ZFYVE26: variants seen among roughly 807,000 people sequenced by gnomAD.
ZFYVE26 encodes zinc finger FYVE-type containing 26.
Under a neutral mutation model 276.5 loss-of-function variants are expected in ZFYVE26, and 181 were observed. The ratio of observed to expected loss-of-function variants is 0.65; its 90% CI spans 0.58 to 0.74. The LOEUF (loss-of-function observed/expected upper bound fraction) is 0.74. Ranked by LOEUF, ZFYVE26 falls within the 30% of genes least tolerant of loss-of-function variation. ZFYVE26 has a pLI of 0.00. For synonymous variants in ZFYVE26, 1,129 were observed against 1,203.1 expected, an observed-to-expected ratio of 0.94 and a Z score of 1.27; for missense variants, 2,821 against 3,097.9, an observed-to-expected ratio of 0.91 and a Z score of 2.12.
intron 32 of ZFYVE26, among the ~76,000 whole-genome samples, chr14:67,765,914 G>A (rs1028507366): frequency 6.6e-6 from 1 of 152,174 alleles, no homozygotes; most frequent in Non-Finnish European, 1.5e-5. Flanking sequence ...GAGACTAAAG[G>A]TGGTTCCCTA....
chr14:67,769,936 C>T (rs1249579621), intron 28 of ZFYVE26: 4 of 657,824 alleles, frequency 6.1e-6, no homozygotes, highest in Admixed American at 2.5e-5. Context: ...GGCAAAGGTG[C>T]GAAGTCATGG....
At chr14:67,796,355 A>G (rs1287641653) in intron 12 of ZFYVE26, 1 of 151,524 alleles carries the variant, frequency 6.6e-6, no homozygotes, top group Non-Finnish European at 1.5e-5. Context: ...CTGGGCACCC[A>G]CCACTACACC....
At chr14:67,773,405 A>G (rs1458051967) in intron 27 of ZFYVE26, among the ~76,000 whole-genome samples, 1 of 151,888 alleles carries the variant, frequency 6.6e-6, no homozygotes, top group African/African-American at 2.4e-5. Context: ...AAAATAATTA[A>G]CCAGGCAATG....
intron 30 of ZFYVE26, 136 bp from the exon 31 acceptor site, chr14:67,767,976 T>C (rs2039102781): frequency 6.3e-6 from 8 of 1,265,094 alleles, no homozygotes; most frequent in Middle Eastern, 2.4e-4. Context: ...TTGGTTCCTT[T>C]TGTTTGCTTT....
chr14:67,810,829 T>A (rs2040284338), intron 3 of ZFYVE26, among the ~76,000 whole-genome samples: 1 of 152,112 alleles, frequency 6.6e-6, no homozygotes, highest in African/African-American at 2.4e-5. Context: ...CAAAGATAAG[T>A]TTTATTGGAA....
chr14:67,794,497 A>G (rs2039904515), intron 12 of ZFYVE26, among the ~76,000 whole-genome samples: 1 of 152,254 alleles, frequency 6.6e-6, no homozygotes, highest in African/African-American at 2.4e-5. Context: ...CAGAGCCCCA[A>G]GAACTTTCAA....
chr14:67,750,885 C>G, intron 41 of ZFYVE26, 167 bp downstream of exon 41: 1 of 829,754 alleles, frequency 1.2e-6, no homozygotes, highest in South Asian at 1.4e-5. Context: ...CTCATCTATT[C>G]CCTCCTTTCT....
intron 3 of ZFYVE26, among the ~76,000 whole-genome samples, chr14:67,812,017 A>G (rs1383631573): frequency 6.7e-6 from 1 of 148,818 alleles, no homozygotes; most frequent in African/African-American, 2.5e-5. Context: ...AATTATGAAA[A>G]CTGTGGTCTA....
At chr14:67,753,375 G>T (rs797017547) in intron 39 of ZFYVE26, among the ~76,000 whole-genome samples, 1 of 152,270 alleles carries the variant, frequency 6.6e-6, no homozygotes, top group East Asian at 1.9e-4. Flanking sequence ...TGTGGCCAGT[G>T]GAAAGCCCCT....
At chr14:67,802,408 T>C in intron 9 of ZFYVE26, 126 bp from the exon 10 acceptor site, 2 of 924,226 alleles carry the variant, frequency 2.2e-6, no homozygotes, top group Non-Finnish European at 3.4e-6. Context: ...CTCTCTCCTT[T>C]CTGTCGGTCT....
chr14:67,735,380 C>T (rs2038340160), intron 13 of ZFYVE26: 4 of 701,854 alleles, frequency 5.7e-6, no homozygotes, highest in Non-Finnish European at 1.1e-5. Context: ...CAGTCTTGGC[C>T]TCTTGTCATG....
At chr14:67,743,207 G>T (rs1291740500), downstream of ZFYVE26, among the ~76,000 whole-genome samples, 1 of 152,094 alleles carries the variant, frequency 6.6e-6, no homozygotes, top group African/African-American at 2.4e-5. Flanking sequence ...TATATTAACA[G>T]CTGGGTGTGG....
chr14:67,781,318 T>C lies in ZFYVE26; in HGVS notation c.4569+15A>G, dbSNP rs778011742. 6.2e-7 allele frequency: 1 copy of C among 1,613,982 alleles called. No homozygotes were observed. The highest frequency in any genetic ancestry group is 8.5e-7 in the Non-Finnish European group (1 of 1,179,968). On this transcript the variant is annotated intron_variant, in intron 22 of 41. Coordinates refer to ENST00000347230, the MANE Select transcript of ZFYVE26 (RefSeq NM_015346.4). ...GAGAAGCCCGTTCCCTTTCTCTTGA[T>C]GCGAGGGCCCATACCTTCTGATACA... is the stretch of plus-strand genomic sequence containing the variant.
chr14:67,760,093 C>T (rs1363607510), intron 35 of ZFYVE26, among the ~76,000 whole-genome samples: 1 of 152,172 alleles, frequency 6.6e-6, no homozygotes, highest in Non-Finnish European at 1.5e-5. Context: ...GCACTGCTGT[C>T]GTCAGCTTAT....
chr14:67,736,261 A>G (rs976659238), intron 13 of ZFYVE26, among the ~76,000 whole-genome samples: 3 of 152,240 alleles, frequency 2.0e-5, no homozygotes, highest in African/African-American at 7.2e-5. Flanking sequence ...GCTTGGGTCA[A>G]ATGCTCACTG....
chr14:67,753,389 C>T (rs981763615), intron 39 of ZFYVE26, among the ~76,000 whole-genome samples: 1 of 152,210 alleles, frequency 6.6e-6, no homozygotes, highest in African/African-American at 2.4e-5. Flanking sequence ...AGCCCCTGGC[C>T]ACCCCTCCAG....
At chr14:67,785,683 T>A (rs1466837689) in intron 18 of ZFYVE26, among the ~76,000 whole-genome samples, 175 bp downstream of exon 18, 1 of 152,040 alleles carries the variant, frequency 6.6e-6, no homozygotes, top group Non-Finnish European at 1.5e-5. Context: ...AATTGAGAGG[T>A]GGGAAAACAG....
At chr14:67,774,947 A>AAAT in intron 27 of ZFYVE26, 69 bp downstream of exon 27, 1 of 1,024,498 alleles carries the variant, frequency 9.8e-7, no homozygotes. Context: ...AAAAAAAAAA[A>AAAT]TTCTGAAGGA....
Position 67,804,216 on chromosome 14 carries a change from G to C in ZFYVE26, c.1320C>G (p.Asp440Glu). 1 of 1,614,048 alleles carries C rather than the reference G, an allele frequency of 6.2e-7. No individual in the cohort carries two copies. The highest frequency in any genetic ancestry group is 2.2e-5 in the East Asian group (1 of 44,874). The change falls in exon 9 of 42, where the codon GAC becomes GAG. Residue 440 changes from aspartate to glutamate, a missense_variant. By Grantham distance (45) the Asp-to-Glu change is conservative (BLOSUM62 2). Coordinates refer to ENST00000347230, the MANE Select transcript of ZFYVE26 (RefSeq NM_015346.4). ...GGAGAGTGTAGAGCACTGAGTGGCT[G>C]TCTCCACCGTGTAAATGATACAACA... ...RDLLYHLHGG[D>E]SHSVLYTLHH...
Sources: gnomAD v4.1 joint callset for allele counts (sites outside exome capture counted in the v4.1 genomes callset) on GRCh38, gnomAD v4.1.1 for gene constraint, MANE v1.5 for transcripts, NCBI Gene and HGNC (gene_info 2026-07-23, HGNC 2026-07-21) for gene names.